Variants in PARN observed in about 807,000 individuals in gnomAD.
PARN encodes poly(A)-specific ribonuclease.
Under a neutral mutation model 102.8 loss-of-function variants are expected in PARN, and 71 were observed. The observed-to-expected ratio is 0.69, with a 90% CI of 0.57 to 0.84. The LOEUF (loss-of-function observed/expected upper bound fraction) is 0.84. Among genes scored for constraint, PARN ranks in the 40% least tolerant of loss-of-function variants. The probability of loss-of-function intolerance (pLI) is 0.00; values close to 1 mark genes in which losing one functional copy is unlikely to be tolerated. For missense variants in PARN, 782 were observed against 760.9 expected (o/e 1.03, Z -0.33); for synonymous variants, 261 against 252.9 (o/e 1.03, Z -0.30).
chr16:14,587,317 C>T lies in PARN; in HGVS notation c.919-956G>A, dbSNP rs1265021370. 1.3e-5 allele frequency among the ~76,000 whole-genome samples: 2 copies of T among 152,174 alleles called. 1 individual carries two copies. Among genetic ancestry groups the T allele is most frequent in the South Asian group, 4.1e-4 (2 of 4,828 alleles). On this transcript the variant is annotated intron_variant, in intron 13 of 23. Coordinates refer to ENST00000437198, the MANE Select transcript of PARN (RefSeq NM_002582.4). ...ACTAGAAAGCTTTACAAGCAAGGAA[C>T]AAGGAGAATTACGGCCACCTCCAGG...
At chr16:14,603,650 C>T (rs1011920288) in intron 11 of PARN, among the ~76,000 whole-genome samples, 2 of 152,312 alleles carry the variant, frequency 1.3e-5, no homozygotes, top group South Asian at 2.1e-4. Flanking sequence ...AGGTCACCAA[C>T]ATCTCCTAGC....
At chr16:14,608,257 G>T in intron 9 of PARN, 24 bp downstream of exon 9, 1 of 1,496,438 alleles carries the variant, frequency 6.7e-7, no homozygotes, top group Non-Finnish European at 9.1e-7. Context: ...CCACAGAGCT[G>T]CTGCATACAA....
intron 23 of PARN, among the ~76,000 whole-genome samples, chr16:14,443,885 A>C (rs959856226): frequency 2.6e-5 from 4 of 152,218 alleles, no homozygotes; most frequent in African/African-American, 4.8e-5. Context: ...GCTCACACCC[A>C]ACGCCTCAGC....
At chr16:14,625,432 G>A (rs1489987437) in intron 5 of PARN, among the ~76,000 whole-genome samples, 1 of 152,140 alleles carries the variant, frequency 6.6e-6, no homozygotes, top group African/African-American at 2.4e-5. Context: ...AGGAGGCAGA[G>A]GTTACAGTGA....
intron 21 of PARN, among the ~76,000 whole-genome samples, chr16:14,510,292 T>C (rs972291894): frequency 2.6e-5 from 4 of 152,198 alleles, no homozygotes; most frequent in African/African-American, 9.6e-5. Flanking sequence ...AAAAACTGAG[T>C]AAAGCTACAT....
intron 21 of PARN, among the ~76,000 whole-genome samples, chr16:14,508,686 A>G (rs1019888357): frequency 2.0e-5 from 3 of 151,732 alleles, no homozygotes; most frequent in Non-Finnish European, 4.4e-5. Context: ...TAGGCTGACA[A>G]TTTCCAACAT....
chr16:14,580,794 T>A (rs1969484123), intron 18 of PARN, 80 bp downstream of exon 18: 1 of 773,728 alleles, frequency 1.3e-6, no homozygotes, highest in African/African-American at 1.7e-5. Flanking sequence ...TAGCTCCCAA[T>A]AACTCCAAAC....
chr16:14,602,107 A>G (rs1970907825), intron 11 of PARN: 1 of 151,082 alleles, frequency 6.6e-6, no homozygotes. Flanking sequence ...ATTTTTTTGC[A>G]CTTTTAGTAG....
At chr16:14,445,015 A>T (rs1195902890) in intron 23 of PARN, among the ~76,000 whole-genome samples, 3 of 136,118 alleles carry the variant, frequency 2.2e-5, no homozygotes, top group Non-Finnish European at 4.6e-5. Context: ...TTTTGTAGAG[A>T]AAAGGTGTCA....
chr16:14,457,824 AAG>A (rs1961752192), intron 22 of PARN, among the ~76,000 whole-genome samples: 2 of 148,732 alleles, frequency 1.3e-5, no homozygotes, highest in Non-Finnish European at 3.0e-5. Context: ...AAAAAAAAAA[AAG>A]AGTCTGTAAA....
In PARN at chr16:14,552,104, G is replaced by T; in HGVS notation, c.1406-9C>A. 6.3e-7 allele frequency: 1 copy of T among 1,581,510 alleles called. No homozygotes were observed. Among genetic ancestry groups the T allele is most frequent in the East Asian group, 2.2e-5 (1 of 44,606 alleles). On this transcript the variant is annotated splice_polypyrimidine_tract_variant and intron_variant, in intron 20 of 23. Coordinates refer to ENST00000437198, the MANE Select transcript of PARN (RefSeq NM_002582.4). Reference sequence around the variant, plus strand: ...GGATATCTGAATGTTACCTGCAATCGCAAATTAAAAGTAAAGTGAACATTT... The same window carrying T: ...GGATATCTGAATGTTACCTGCAATCTCAAATTAAAAGTAAAGTGAACATTT...
intron 21 of PARN, among the ~76,000 whole-genome samples, chr16:14,535,093 C>T (rs549922769): frequency 3.9e-5 from 6 of 152,330 alleles, no homozygotes; most frequent in Admixed American, 3.3e-4. Context: ...CTCGGCCTCC[C>T]AAAGTGCTGG....
intron 5 of PARN, among the ~76,000 whole-genome samples, chr16:14,624,450 T>C (rs1972514634): frequency 6.6e-6 from 1 of 152,234 alleles, no homozygotes; most frequent in Non-Finnish European, 1.5e-5. Context: ...TTTTAGACAT[T>C]ACTCTCTGGG....
chr16:14,507,828 A>G lies in PARN; in HGVS notation c.1481-25001T>C, dbSNP rs544770618. Reference sequence around the variant, plus strand: ...ATAAATGAAAGATCCTATAATAAGAATACTATTGAGTAAATAAATTATGGC... The same window carrying G: ...ATAAATGAAAGATCCTATAATAAGAGTACTATTGAGTAAATAAATTATGGC... On this transcript the variant is annotated intron_variant, in intron 21 of 23. Transcript: ENST00000437198. 4.6e-5 allele frequency among the ~76,000 whole-genome samples: 7 copies of G among 152,340 alleles called. No homozygotes were observed. In the South Asian group the frequency reaches 1.0e-3, roughly 23 times the overall value.
At chr16:14,489,077 G>A (rs572838220) in intron 21 of PARN, among the ~76,000 whole-genome samples, 2 of 151,980 alleles carry the variant, frequency 1.3e-5, no homozygotes, top group African/African-American at 2.4e-5. Context: ...TCCCCCTCAC[G>A]CCCCGCAACA....
intron 18 of PARN, among the ~76,000 whole-genome samples, chr16:14,577,493 C>T (rs1969217011): frequency 6.6e-6 from 1 of 151,508 alleles, no homozygotes; most frequent in Non-Finnish European, 1.5e-5. Context: ...GCCCCTACAC[C>T]CACCTAATTT....
intron 10 of PARN, among the ~76,000 whole-genome samples, chr16:14,605,133 G>A (rs1022277399): frequency 1.4e-5 from 2 of 143,674 alleles, no homozygotes; most frequent in Admixed American, 7.0e-5. Context: ...TAGTAGAGAC[G>A]GAGTTTCACC....
At chr16:14,474,202 G>A (rs1020663491) in intron 22 of PARN, among the ~76,000 whole-genome samples, 4 of 152,010 alleles carry the variant, frequency 2.6e-5, no homozygotes, top group African/African-American at 9.7e-5. Context: ...ATGGGGTCTT[G>A]TCATGTTGCC....
chr16:14,575,789 T>C (rs546219754), intron 18 of PARN, among the ~76,000 whole-genome samples: 8 of 152,304 alleles, frequency 5.3e-5, no homozygotes, highest in African/African-American at 1.2e-4. Flanking sequence ...TGGAATTATA[T>C]GGTTTGGCTG....
Sources: gnomAD v4.1 joint callset for allele counts (sites outside exome capture counted in the v4.1 genomes callset) on GRCh38, gnomAD v4.1.1 for gene constraint, MANE v1.5 for transcripts, NCBI Gene and HGNC (gene_info 2026-07-23, HGNC 2026-07-21) for gene names.